Variants in COL28A1 observed in about 807,000 individuals in gnomAD.
COL28A1 encodes the protein collagen type XXVIII alpha 1 chain, also known as collagen alpha-1(XXVIII) chain.
In COL28A1, 161 loss-of-function variants were observed where a neutral mutation model predicts 150.2. That is an observed-to-expected ratio of 1.07 (90% CI 0.94 to 1.22). The LOEUF is 1.22. Among genes scored for constraint, COL28A1 ranks in the 50% most tolerant of loss-of-function variants. The probability of loss-of-function intolerance (pLI) is 0.00; values close to 1 mark genes in which losing one functional copy is unlikely to be tolerated. For synonymous variants in COL28A1, 552 were observed against 469.7 expected (o/e 1.18, Z -2.26); for missense variants, 1,617 against 1,388.3 (o/e 1.16, Z -2.62).
rs145647573 is a variant in COL28A1, at chr7:7,457,892, A to G, written c.1303-1780T>C. Reference sequence around the variant, plus strand: ...TTAATGGCAGTTGTATTTAGACTACATTAGGGCCGCAAAACTTTTAAACAG... The same window carrying G: ...TTAATGGCAGTTGTATTTAGACTACGTTAGGGCCGCAAAACTTTTAAACAG... On this transcript the variant is annotated intron_variant, in intron 15 of 34. Transcript: ENST00000399429. 4.6e-3 allele frequency among the ~76,000 whole-genome samples: 707 copies of G among 152,326 alleles called. 5 individuals are homozygous for G. Among genetic ancestry groups the G allele is most frequent in the East Asian group, 0.022 (115 of 5,182 alleles).
chr7:7,508,108 T>C (rs1024963947), intron 9 of COL28A1, among the ~76,000 whole-genome samples: 1 of 152,016 alleles, frequency 6.6e-6, no homozygotes, highest in African/African-American at 2.4e-5. Context: ...GGCGGGCACC[T>C]GTAGTCCCAG....
chr7:7,379,508 G>A (rs769126580), intron 30 of COL28A1, among the ~76,000 whole-genome samples: 19 of 151,946 alleles, frequency 1.3e-4, no homozygotes, highest in Middle Eastern at 3.2e-3. Context: ...CACTCCGTAG[G>A]TGAACATCTT....
upstream of COL28A1, among the ~76,000 whole-genome samples, chr7:7,538,514 C>G (rs1367241557): frequency 2.0e-5 from 3 of 152,144 alleles, no homozygotes; most frequent in Non-Finnish European, 4.4e-5. Context: ...TTGCTCTTCT[C>G]CAAAGCTCTG....
intron 13 of COL28A1, among the ~76,000 whole-genome samples, chr7:7,478,461 C>A (rs1252160614): frequency 6.6e-6 from 1 of 152,258 alleles, no homozygotes; most frequent in Non-Finnish European, 1.5e-5. Flanking sequence ...CCCCACTAGA[C>A]CCAGGAGCCT....
chr7:7,419,628 C>T (rs1784285305), intron 26 of COL28A1, among the ~76,000 whole-genome samples: 1 of 152,184 alleles, frequency 6.6e-6, no homozygotes, highest in Non-Finnish European at 1.5e-5. Context: ...CTCTAAGAAA[C>T]CCAGAAATGT....
chr7:7,485,842 A>T (rs1202162676), intron 13 of COL28A1, among the ~76,000 whole-genome samples: 1 of 152,178 alleles, frequency 6.6e-6, no homozygotes, highest in African/African-American at 2.4e-5. Context: ...CCACACAGTC[A>T]TTGTTACTGT....
chr7:7,348,835 T>G, the COL28A1 span, among the ~76,000 whole-genome samples: 3 of 152,116 alleles, frequency 2.0e-5, no homozygotes, highest in African/African-American at 7.2e-5. Context: ...CTTGAACTCC[T>G]GGGCTCAGGT....
intron 25 of COL28A1, among the ~76,000 whole-genome samples, chr7:7,423,972 T>C (rs1271109198): frequency 6.6e-6 from 1 of 152,194 alleles, no homozygotes; most frequent in Non-Finnish European, 1.5e-5. Flanking sequence ...TTCCATGTCA[T>C]CTGTGGTCCT....
chr7:7,461,352 C>A (rs76188924), intron 15 of COL28A1, among the ~76,000 whole-genome samples: 17,703 of 152,186 alleles, frequency 0.12, 1,117 homozygotes, highest in Middle Eastern at 0.21. Context: ...CAACTGAATT[C>A]TGTAATAATT....
intron 25 of COL28A1, 50 bp from the exon 26 acceptor site, chr7:7,420,003 G>GT (rs747525902): frequency 8.9e-6 from 9 of 1,006,250 alleles, no homozygotes; most frequent in African/African-American, 8.4e-5. Context: ...AAGACTTTAT[G>GT]TTTTTTTCAA....
intron 30 of COL28A1, among the ~76,000 whole-genome samples, chr7:7,378,519 G>A (rs1284320004): frequency 6.6e-6 from 1 of 152,140 alleles, no homozygotes; most frequent in African/African-American, 2.4e-5. Flanking sequence ...GCCATCAATG[G>A]CATTTGCCTC....
intron 27 of COL28A1, among the ~76,000 whole-genome samples, chr7:7,404,004 G>A (rs749886282): frequency 4.2e-4 from 64 of 151,996 alleles, no homozygotes; most frequent in Non-Finnish European, 2.2e-4. Context: ...AGCTTTCTTG[G>A]TGCAATCCTG....
chr7:7,515,853 G>A lies in COL28A1; in HGVS notation c.856-13C>T. On this transcript the variant is annotated splice_polypyrimidine_tract_variant and intron_variant, in intron 7 of 34. Coordinates refer to ENST00000399429, the MANE Select transcript of COL28A1 (RefSeq NM_001037763.3). Reference sequence around the variant, plus strand: ...ACCCAGGAATTCCCTAATTTAAAAAGAAAATAAAAAGTAAAATATGATACT... The same window carrying A: ...ACCCAGGAATTCCCTAATTTAAAAAAAAAATAAAAAGTAAAATATGATACT... 1.0e-6 allele frequency: 1 copy of A among 984,838 alleles called. No homozygotes were observed. Among genetic ancestry groups the A allele is most frequent in the Non-Finnish European group, 1.6e-6 (1 of 609,002 alleles). 61.0% of individuals were successfully genotyped at this position (984,838 alleles called of 1,614,324 possible).
intron 11 of COL28A1, among the ~76,000 whole-genome samples, chr7:7,493,007 T>C (rs1015972227): frequency 2.0e-5 from 3 of 147,828 alleles, no homozygotes; most frequent in Admixed American, 6.8e-5. Context: ...TATATATACA[T>C]ATATAACAGG....
intron 26 of COL28A1, among the ~76,000 whole-genome samples, chr7:7,419,373 G>C (rs1389868173): frequency 6.6e-6 from 1 of 152,028 alleles, no homozygotes; most frequent in African/African-American, 2.4e-5. Flanking sequence ...GAGAAACACT[G>C]GATTAAAAGA....
chr7:7,539,449 G>A (rs1052260484), upstream of COL28A1, among the ~76,000 whole-genome samples: 1 of 152,124 alleles, frequency 6.6e-6, no homozygotes, highest in African/African-American at 2.4e-5. Context: ...TCATTCATAA[G>A]GGATCCACCC....
At chr7:7,344,049 T>C in the COL28A1 span, among the ~76,000 whole-genome samples, 7 of 151,986 alleles carry the variant, frequency 4.6e-5, no homozygotes, top group Non-Finnish European at 8.8e-5. Context: ...GTGCATTTCT[T>C]AATTTCTTAC....
At chr7:7,437,090 A>G (rs1034793572) in intron 22 of COL28A1, among the ~76,000 whole-genome samples, 2 of 152,170 alleles carry the variant, frequency 1.3e-5, no homozygotes, top group Non-Finnish European at 2.9e-5. Context: ...TAAACTCTTC[A>G]ATTATAAATC....
intron 27 of COL28A1, among the ~76,000 whole-genome samples, chr7:7,394,014 G>A (rs1356689231): frequency 6.6e-6 from 1 of 151,820 alleles, no homozygotes; most frequent in South Asian, 2.1e-4. Flanking sequence ...CTCGGTGTCT[G>A]CCCAAACAGC....
Sources: allele counts gnomAD v4.1 joint callset (sites outside exome capture counted in the v4.1 genomes callset), GRCh38; gene constraint gnomAD v4.1.1; transcripts MANE v1.5; gene names NCBI Gene and HGNC (gene_info 2026-07-23, HGNC 2026-07-21).